LANCL3: variants seen among roughly 807,000 people sequenced by gnomAD.
The protein encoded by LANCL3 is lanC-like protein 3.
In LANCL3, 19 loss-of-function variants were observed where a neutral mutation model predicts 26.5. That is an observed-to-expected ratio of 0.72 (90% CI 0.50 to 1.05). The LOEUF is 1.05. Ranked by LOEUF, LANCL3 falls within the 50% of genes least tolerant of loss-of-function variation. LANCL3 has a pLI of 0.00. For synonymous variants in LANCL3, 160 were observed against 166.6 expected (o/e 0.96, Z 0.30); for missense variants, 318 against 362.7 (o/e 0.88, Z 1.00).
intron 1 of LANCL3, among the ~76,000 whole-genome samples, chrX:37,620,177 G>A (rs1221701492): frequency 6.3e-5 from 7 of 111,749 alleles, no homozygotes; most frequent in African/African-American, 2.3e-4. Context: ...GACACAGCCT[G>A]GTTTTCTCCT....
intron 1 of LANCL3, among the ~76,000 whole-genome samples, chrX:37,596,510 G>A (rs1297121261): frequency 3.6e-5 from 4 of 112,035 alleles, no homozygotes; most frequent in Non-Finnish European, 7.5e-5. Flanking sequence ...ACTGTGTAGC[G>A]TTTTTTAAAA....
At chrX:37,650,276 C>T (rs1201407671) in intron 1 of LANCL3, among the ~76,000 whole-genome samples, 9 of 98,996 alleles carry the variant, frequency 9.1e-5, no homozygotes, top group African/African-American at 3.4e-4. Context: ...GCACTCCAGC[C>T]TGGGTGACTG....
chrX:37,668,641 T>C (rs1348190872), intron 4 of LANCL3, among the ~76,000 whole-genome samples: 4 of 111,530 alleles, frequency 3.6e-5, no homozygotes, highest in Non-Finnish European at 5.7e-5. Flanking sequence ...TTAGGTCTTC[T>C]AAGCCAGAGT....
intron 1 of LANCL3, among the ~76,000 whole-genome samples, chrX:37,624,421 C>A (rs1440093362): frequency 8.9e-6 from 1 of 111,775 alleles, no homozygotes; most frequent in African/African-American, 3.3e-5. Flanking sequence ...CTTTTTCTAA[C>A]TACTTTGTAA....
At chrX:37,666,807 T>C (rs1926555899) in intron 3 of LANCL3, among the ~76,000 whole-genome samples, 1 of 112,240 alleles carries the variant, frequency 8.9e-6, no homozygotes, top group East Asian at 2.8e-4. Context: ...TTTAAGAAAA[T>C]GTGTATAGTT....
intron 1 of LANCL3, among the ~76,000 whole-genome samples, chrX:37,628,717 G>C (rs1482190651): frequency 9.5e-6 from 1 of 105,262 alleles, no homozygotes; most frequent in African/African-American, 3.5e-5. Flanking sequence ...TTGTCCCTGC[G>C]ATAGTTTACT....
At chrX:37,614,395 C>A (rs1014456231) in intron 1 of LANCL3, among the ~76,000 whole-genome samples, 1 of 111,856 alleles carries the variant, frequency 8.9e-6, no homozygotes, top group African/African-American at 3.2e-5. Context: ...AGCACCACTG[C>A]GGGACACATT....
intron 1 of LANCL3, among the ~76,000 whole-genome samples, chrX:37,630,436 C>G (rs1266144316): frequency 1.9e-5 from 2 of 107,216 alleles, no homozygotes. Context: ...ATTGAATACC[C>G]TTTATTTCCT....
chrX:37,621,632 TGAA>T (rs782666459), intron 1 of LANCL3, among the ~76,000 whole-genome samples: 147 of 112,820 alleles, frequency 1.3e-3, no homozygotes, highest in Non-Finnish European at 2.1e-3. Flanking sequence ...TTTGCTTTGT[TGAA>T]GAAAATATTC....
chrX:37,632,282 C>CT (rs1197165735), intron 1 of LANCL3, among the ~76,000 whole-genome samples: 1 of 111,391 alleles, frequency 9.0e-6, no homozygotes, highest in Non-Finnish European at 1.9e-5. Flanking sequence ...CAACCCCTGC[C>CT]TTTTTTTATT....
rs782092219 is a variant in LANCL3 at position 37,667,412 on chromosome X, A to T, written c.1026A>T (p.Gly342=). 2 of 1,200,142 alleles carry T rather than the reference A, an allele frequency of 1.7e-6. No individual in the cohort carries two copies. Among genetic ancestry groups the T allele is most frequent in the South Asian group, 1.8e-5 (1 of 55,346 alleles). ...LLKKGPGICH[G]VAGSAYVFLL... The stretch of plus-strand genomic sequence containing the variant: ...AGAAGGGGCCTGGGATTTGCCATGG[A>T]GTAGCCGGCAGTGCCTATGTCTTCC... Residue 342 remains glycine, a synonymous_variant, in exon 4 of 5, where the codon GGA becomes GGT. Transcript: ENST00000378619.
chrX:37,605,280 T>C (rs17145785), intron 1 of LANCL3, among the ~76,000 whole-genome samples: 29,069 of 111,127 alleles, frequency 0.26, 6,399 homozygotes, highest in African/African-American at 0.74. Context: ...AAAAAAAAGA[T>C]GGGATAGTGA....
intron 1 of LANCL3, among the ~76,000 whole-genome samples, chrX:37,607,215 C>G (rs1924743128): frequency 8.9e-6 from 1 of 112,566 alleles, no homozygotes; most frequent in Admixed American, 9.4e-5. Flanking sequence ...TTTCCTTCTT[C>G]TCTTTCTACT....
chrX:37,647,611 T>A (rs1383505110), intron 1 of LANCL3, among the ~76,000 whole-genome samples: 1 of 112,149 alleles, frequency 8.9e-6, no homozygotes, highest in Non-Finnish European at 1.9e-5. Flanking sequence ...ATGTTTGCTA[T>A]GATATCAGAG....
intron 1 of LANCL3, among the ~76,000 whole-genome samples, chrX:37,573,700 T>C (rs147615839): frequency 0.024 from 2,714 of 112,092 alleles, 76 homozygotes; most frequent in African/African-American, 0.083. Context: ...TCATTTGCAT[T>C]GCATTTGCAT....
At chrX:37,595,910 A>G (rs1924415412) in intron 1 of LANCL3, among the ~76,000 whole-genome samples, 1 of 111,876 alleles carries the variant, frequency 8.9e-6, no homozygotes, top group Admixed American at 9.5e-5. Context: ...AGAAGAATGG[A>G]GAGTAATATA....
At chrX:37,574,415 T>TGGCAATTCC (rs1432304306) in intron 1 of LANCL3, among the ~76,000 whole-genome samples, 19 of 111,614 alleles carry the variant, frequency 1.7e-4, no homozygotes, top group African/African-American at 6.2e-4. Flanking sequence ...CACATTCCTC[T>TGGCAATTCC]GGCAATTCCC....
chrX:37,577,078 T>A (rs782219894), intron 1 of LANCL3, among the ~76,000 whole-genome samples: 19 of 111,819 alleles, frequency 1.7e-4, no homozygotes, highest in Non-Finnish European at 2.3e-4. Context: ...AAGGAGGAAA[T>A]ATCTTGATCT....
chrX:37,661,183 TA>T (rs1362295357), intron 3 of LANCL3, among the ~76,000 whole-genome samples: 1 of 111,786 alleles, frequency 8.9e-6, no homozygotes, highest in African/African-American at 3.3e-5. Flanking sequence ...CAGAATATCT[TA>T]AAAGGATTCA....
Sources: allele counts gnomAD v4.1 joint callset (sites outside exome capture counted in the v4.1 genomes callset), GRCh38; gene constraint gnomAD v4.1.1; transcripts MANE v1.5; gene names NCBI Gene and HGNC (gene_info 2026-07-23, HGNC 2026-07-21).